Variants in WWOX observed in about 807,000 individuals in gnomAD.
WWOX encodes WW domain containing oxidoreductase, also known as WW domain-containing oxidoreductase.
Under a neutral mutation model 46.2 loss-of-function variants are expected in WWOX, and 69 were observed. That is an observed-to-expected ratio of 1.49 (90% CI 1.23 to 1.82). The LOEUF is 1.82. Among genes scored for constraint, WWOX ranks in the 40% most tolerant of loss-of-function variants. The pLI is 0.00. For missense variants in WWOX, 919 were observed against 542.6 expected, an observed-to-expected ratio of 1.69 and a Z score of -6.89; for synonymous variants, 359 against 202.6, an observed-to-expected ratio of 1.77 and a Z score of -6.56.
intron 5 of WWOX, among the ~76,000 whole-genome samples, chr16:78,201,439 A>C (rs1226995522): frequency 6.6e-6 from 1 of 152,228 alleles, no homozygotes; most frequent in Non-Finnish European, 1.5e-5. Context: ...TTGATAACTA[A>C]GACCTGAAAT....
At chr16:78,838,237 G>C (rs768934256) in intron 8 of WWOX, among the ~76,000 whole-genome samples, 19 of 152,090 alleles carry the variant, frequency 1.2e-4, no homozygotes, top group Non-Finnish European at 2.5e-4. Flanking sequence ...GCTGTGCCTT[G>C]GTCATTCCCA....
chr16:78,929,254 ATT>A (rs58425003), intron 8 of WWOX, among the ~76,000 whole-genome samples: 20 of 149,776 alleles, frequency 1.3e-4, no homozygotes, highest in South Asian at 4.2e-4. Flanking sequence ...TCATACAGTG[ATT>A]TTTTTTTTTG....
At chr16:78,543,547 C>T (rs1477201941) in intron 8 of WWOX, among the ~76,000 whole-genome samples, 3 of 152,166 alleles carry the variant, frequency 2.0e-5, no homozygotes, top group African/African-American at 7.2e-5. Context: ...GGAAACTTTT[C>T]AACACTGGCC....
At chr16:79,085,522 A>G (rs560735648) in intron 8 of WWOX, among the ~76,000 whole-genome samples, 60 of 152,288 alleles carry the variant, frequency 3.9e-4, no homozygotes, top group Admixed American at 3.9e-3. Context: ...CTAGAAAACT[A>G]ATTTCCTATA....
At chr16:78,261,904 G>A (rs887902907) in intron 5 of WWOX, among the ~76,000 whole-genome samples, 5 of 150,078 alleles carry the variant, frequency 3.3e-5, no homozygotes, top group African/African-American at 1.2e-4. Context: ...GAAATTGACT[G>A]TGTAAGTTAA....
chr16:78,719,837 A>G (rs930108616), intron 8 of WWOX, among the ~76,000 whole-genome samples: 1 of 152,210 alleles, frequency 6.6e-6, no homozygotes, highest in African/African-American at 2.4e-5. Context: ...AAACAAATAC[A>G]TGACGGGAAA....
At chr16:78,404,907 G>T (rs371414460) in intron 6 of WWOX, among the ~76,000 whole-genome samples, 9 of 152,202 alleles carry the variant, frequency 5.9e-5, no homozygotes, top group African/African-American at 1.7e-4. Context: ...CAAGGAATGA[G>T]ACCTGCATGT....
At chr16:78,931,425 A>T (rs2045622086) in intron 8 of WWOX, among the ~76,000 whole-genome samples, 2 of 152,230 alleles carry the variant, frequency 1.3e-5, no homozygotes, top group African/African-American at 2.4e-5. Context: ...TCCTCAGCAC[A>T]TAAAAGTTTG....
intron 5 of WWOX, among the ~76,000 whole-genome samples, chr16:78,230,949 G>A (rs1052149415): frequency 1.3e-5 from 2 of 152,204 alleles, no homozygotes; most frequent in Admixed American, 6.5e-5. Flanking sequence ...TTGCTTTGAG[G>A]CAATGGATTT....
chr16:78,375,900 C>T (rs1169015708), intron 5 of WWOX, among the ~76,000 whole-genome samples: 2 of 149,090 alleles, frequency 1.3e-5, no homozygotes, highest in Non-Finnish European at 3.0e-5. Context: ...TGCCCAGGCT[C>T]GAGTGCAGTG....
At chr16:78,696,287 A>G (rs920214918) in intron 8 of WWOX, among the ~76,000 whole-genome samples, 1 of 152,134 alleles carries the variant, frequency 6.6e-6, no homozygotes, top group South Asian at 2.1e-4. Context: ...TCTACAGCTC[A>G]TATTGGTTAC....
At chr16:79,097,360 T>A (rs1377249617) in intron 8 of WWOX, among the ~76,000 whole-genome samples, 2 of 152,020 alleles carry the variant, frequency 1.3e-5, no homozygotes, top group African/African-American at 4.8e-5. Context: ...TTTTTTTTTT[T>A]TTTTTGGCCC....
intron 8 of WWOX, among the ~76,000 whole-genome samples, chr16:78,773,253 C>A (rs990976600): frequency 1.3e-5 from 2 of 152,080 alleles, no homozygotes; most frequent in Admixed American, 1.3e-4. Context: ...TTGTGTTCTC[C>A]GATTCCACAC....
rs534434661 is a variant in WWOX at position 78,685,654 on chromosome 16, A to G, written c.1056+252902A>G. Among the ~76,000 whole-genome samples the G allele has an allele frequency of 1.5e-3, 235 of 152,364 alleles. 1 individual carries two copies. Among genetic ancestry groups the G allele is most frequent in the African/African-American group, 5.5e-3 (227 of 41,594 alleles). ...TTTTGCTTGTGTGGTGCTAAATGCA[A>G]AGGCAGAGAAGCTTCTGCTATTGAA... On this transcript the variant is annotated intron_variant, in intron 8 of 8. Coordinates refer to ENST00000566780, the MANE Select transcript of WWOX (RefSeq NM_016373.4).
chr16:79,138,317 G>A (rs567032824), intron 8 of WWOX, among the ~76,000 whole-genome samples: 44 of 152,260 alleles, frequency 2.9e-4, no homozygotes, highest in African/African-American at 9.9e-4. Flanking sequence ...AGAGGATGGC[G>A]GTGGTCCACT....
chr16:78,854,648 T>A (rs1297191476), intron 8 of WWOX, among the ~76,000 whole-genome samples: 3 of 152,212 alleles, frequency 2.0e-5, no homozygotes. Flanking sequence ...TGGCGCGATC[T>A]CAGCTGACTG....
chr16:79,042,807 C>G (rs574140056), intron 8 of WWOX, among the ~76,000 whole-genome samples: 2 of 149,334 alleles, frequency 1.3e-5, no homozygotes, highest in African/African-American at 5.0e-5. Context: ...TACTGTTGAA[C>G]CATGCAAGTA....
intron 8 of WWOX, among the ~76,000 whole-genome samples, chr16:78,762,261 C>G (rs1567542943): frequency 6.6e-6 from 1 of 152,212 alleles, no homozygotes; most frequent in Non-Finnish European, 1.5e-5. Flanking sequence ...TTCATCCACC[C>G]TCTTGGTACT....
chr16:79,119,860 G>A (rs1355843781), intron 8 of WWOX, among the ~76,000 whole-genome samples: 1 of 152,184 alleles, frequency 6.6e-6, no homozygotes. Context: ...AAGACATAGG[G>A]TTTTATTAGG....
Sources: gnomAD v4.1 joint callset for allele counts (sites outside exome capture counted in the v4.1 genomes callset) on GRCh38, gnomAD v4.1.1 for gene constraint, MANE v1.5 for transcripts, NCBI Gene and HGNC (gene_info 2026-07-23, HGNC 2026-07-21) for gene names.